Variants in PTK7 observed in about 807,000 individuals in gnomAD.
PTK7 encodes the protein protein tyrosine kinase 7 (inactive), also known as inactive tyrosine-protein kinase 7.
Under a neutral mutation model 116.6 loss-of-function variants are expected in PTK7, and 39 were observed. The observed-to-expected ratio is 0.33, with a 90% CI of 0.26 to 0.44. The LOEUF is 0.44. Among genes scored for constraint, PTK7 ranks in the 20% least tolerant of loss-of-function variants. The pLI is 1.00. For synonymous variants in PTK7, 546 were observed against 563.6 expected, an observed-to-expected ratio of 0.97 and a Z score of 0.44; for missense variants, 1,169 against 1,425.6, an observed-to-expected ratio of 0.82 and a Z score of 2.90.
At chr6:43,079,450 G>A (rs1052120398) in intron 1 of PTK7, among the ~76,000 whole-genome samples, 3 of 122,708 alleles carry the variant, frequency 2.4e-5, no homozygotes, top group East Asian at 3.0e-4. Flanking sequence ...AGATCGTGCC[G>A]AGATCGTGCC....
At chr6:43,152,058 A>T (rs1180799788) in intron 17 of PTK7, among the ~76,000 whole-genome samples, 2 of 151,000 alleles carry the variant, frequency 1.3e-5, no homozygotes, top group African/African-American at 4.9e-5. Flanking sequence ...CATGTTAGCC[A>T]GGATGGTCTC....
intron 7 of PTK7, among the ~76,000 whole-genome samples, chr6:43,134,063 G>T (rs370236101): frequency 1.3e-5 from 2 of 152,162 alleles, no homozygotes; most frequent in Non-Finnish European, 2.9e-5. Flanking sequence ...GTTTGAGACG[G>T]AGTCTCACTC....
chr6:43,125,017 A>G (rs1582145221), intron 1 of PTK7, among the ~76,000 whole-genome samples: 1 of 152,132 alleles, frequency 6.6e-6, no homozygotes, highest in East Asian at 1.9e-4. Context: ...TACTAAAAAT[A>G]CAAAATTAGC....
At chr6:43,081,398 GTTGT>G (rs914341188) in intron 1 of PTK7, among the ~76,000 whole-genome samples, 7 of 151,858 alleles carry the variant, frequency 4.6e-5, no homozygotes, top group Admixed American at 3.3e-4. Flanking sequence ...TTTTTTGTTT[GTTGT>G]TTGTTTGTTT....
chr6:43,124,661 G>A (rs1196918519), intron 1 of PTK7, among the ~76,000 whole-genome samples: 2 of 151,664 alleles, frequency 1.3e-5, no homozygotes, highest in Admixed American at 1.3e-4. Context: ...GGGCAACAGA[G>A]TGAGACCCTA....
chr6:43,077,035 C>T (rs1469079866), intron 1 of PTK7: 2 of 1,346,154 alleles, frequency 1.5e-6, no homozygotes, highest in East Asian at 2.9e-5. Flanking sequence ...CTGCGGCGCG[C>T]AAAGCGCGGA....
At chr6:43,153,037 C>T (rs1032583417) in intron 17 of PTK7, among the ~76,000 whole-genome samples, 2 of 152,116 alleles carry the variant, frequency 1.3e-5, no homozygotes, top group African/African-American at 2.4e-5. Context: ...CCGCCTGCCT[C>T]GGCGTCCCAA....
Position 43,141,613 on chromosome 6 carries a change from C to T in PTK7, c.1619-55C>T. 1 of 1,571,816 alleles carries T rather than the reference C, an allele frequency of 6.4e-7. No homozygotes were observed. Among genetic ancestry groups the T allele is most frequent in the Admixed American group, 1.7e-5 (1 of 58,246 alleles). On this transcript the variant is annotated intron_variant, in intron 10 of 19. Coordinates refer to ENST00000230419, the MANE Select transcript of PTK7 (RefSeq NM_002821.5). The surrounding 1 kb of genome is among the most constrained non-coding windows in gnomAD (Gnocchi z 4.9). ...AGAGGTGAGGGACTGAAGGCATTGC[C>T]AGCTGTCTGTGTAACCCTGATCCTT...
At position 43,159,950 on chromosome 6, in the gene PTK7, T is replaced by G; in HGVS notation, c.3036T>G (p.Asp1012Glu). The G allele has an allele frequency of 6.2e-7, 1 of 1,613,910 alleles. No homozygotes were observed. The highest frequency in any genetic ancestry group is 2.2e-5 in the East Asian group (1 of 44,872). Residue 1012 changes from aspartate to glutamate, a missense_variant, in exon 19 of 20, where the codon GAT becomes GAG. Physicochemically the swap from Asp to Glu is conservative, Grantham distance 45. Coordinates refer to ENST00000230419, the MANE Select transcript of PTK7 (RefSeq NM_002821.5). ...AGATGCCCCATGGTGGGCAGGCAGA[T>G]GATGAAGTACTGGCAGGTAGGCAGC... The part of the protein sequence containing the change: ...HGEMPHGGQA[D>E]DEVLADLQAG...
intron 1 of PTK7, among the ~76,000 whole-genome samples, chr6:43,082,144 G>A (rs1365270705): frequency 6.6e-6 from 1 of 152,092 alleles, no homozygotes; most frequent in Non-Finnish European, 1.5e-5. Flanking sequence ...CAGCATTCCT[G>A]GGAGCATGAA....
intron 1 of PTK7, among the ~76,000 whole-genome samples, chr6:43,126,072 C>G (rs1284751549): frequency 2.0e-5 from 3 of 152,120 alleles, no homozygotes; most frequent in Non-Finnish European, 4.4e-5. Flanking sequence ...GTAATCCCAG[C>G]ACTTTAGGAG....
chr6:43,130,085 T>G, intron 3 of PTK7, 145 bp from the exon 4 acceptor site: 1 of 875,130 alleles, frequency 1.1e-6, no homozygotes, highest in Non-Finnish European at 1.8e-6. Context: ...AATTACTGTG[T>G]GCCCTTTTGC....
chr6:43,158,709 C>T, intron 17 of PTK7, 108 bp from the exon 18 acceptor site: 1 of 1,223,260 alleles, frequency 8.2e-7, no homozygotes, highest in Non-Finnish European at 1.1e-6. Flanking sequence ...TTCTGGGCTT[C>T]CTACGCAGCA....
Position 43,076,983 on chromosome 6 carries a change from C to G in PTK7, c.79+416C>G, listed in dbSNP as rs1766060256. 2 of 1,493,984 alleles carry G rather than the reference C, an allele frequency of 1.3e-6. No individual in the cohort carries two copies. The highest frequency in any genetic ancestry group is 4.2e-5 in the Admixed American group (2 of 47,610). 92.5% of individuals were successfully genotyped at this position (1,493,984 alleles called of 1,614,324 possible). A position where few individuals can be genotyped will look rare whatever the true frequency, so the allele number is the denominator to read the frequency against. ...CCCCACCCCACCCGGCAGGGTCGGC[C>G]CAGGTAAGAGTTGCTGGTTTGGGGC... On this transcript the variant is annotated intron_variant, in intron 1 of 19. Coordinates refer to ENST00000230419, the MANE Select transcript of PTK7 (RefSeq NM_002821.5). This position sits in a 1 kb window ranked among gnomAD's most constrained non-coding sequence, Gnocchi z 5.7.
intron 1 of PTK7, among the ~76,000 whole-genome samples, chr6:43,093,789 A>G (rs1767085642): frequency 1.3e-5 from 2 of 152,186 alleles, no homozygotes; most frequent in African/African-American, 4.8e-5. Flanking sequence ...CAGAAGAACG[A>G]AGGCAGGGAT....
chr6:43,148,505 T>C lies in PTK7; in HGVS notation c.2721+1807T>C, dbSNP rs548817066. On this transcript the variant is annotated intron_variant, in intron 17 of 19. Coordinates refer to ENST00000230419, the MANE Select transcript of PTK7 (RefSeq NM_002821.5). Reference sequence around the variant, plus strand: ...TTCACAAGGACAGGATGTAGTTGAATGGCAGAAAGGGGATGGCTTCAAGAG... The same window carrying C: ...TTCACAAGGACAGGATGTAGTTGAACGGCAGAAAGGGGATGGCTTCAAGAG... Among the ~76,000 whole-genome samples the C allele has an allele frequency of 1.4e-4, 22 of 152,272 alleles. No individual in the cohort carries two copies. In the South Asian group the frequency reaches 3.5e-3, roughly 24 times the overall value.
chr6:43,159,008 C>T lies in PTK7; in HGVS notation c.2873+40C>T, dbSNP rs369042690. 51 of 1,608,668 alleles carry T rather than the reference C, an allele frequency of 3.2e-5. 1 individual carries two copies. The South Asian group carries it at 5.1e-4, about 16-fold the overall frequency. ...GTGGGGTGGGGGCTCCCCATTTTTT[C>T]CCAGAGGGTGAGGGGCAGAGGACAG... On this transcript the variant is annotated intron_variant, in intron 18 of 19. Transcript: ENST00000230419.
At chr6:43,127,705 G>A (rs1293511049) in intron 1 of PTK7, among the ~76,000 whole-genome samples, 4 of 152,008 alleles carry the variant, frequency 2.6e-5, no homozygotes, top group African/African-American at 4.8e-5. Flanking sequence ...CGAGGCGGGC[G>A]GATCACGAGG....
chr6:43,160,608 A>G (rs574625885), intron 19 of PTK7, 113 bp from the exon 20 acceptor site: 5 of 1,374,492 alleles, frequency 3.6e-6, no homozygotes, highest in African/African-American at 1.4e-5. Context: ...GCTGGCCAGC[A>G]TTGCCCCAGA....
Sources: allele counts gnomAD v4.1 joint callset (sites outside exome capture counted in the v4.1 genomes callset), GRCh38; gene constraint gnomAD v4.1.1; non-coding constraint Gnocchi (gnomAD v3.1); transcripts MANE v1.5; gene names NCBI Gene and HGNC (gene_info 2026-07-23, HGNC 2026-07-21).